XPO4: variants seen among roughly 807,000 people sequenced by gnomAD.
XPO4 encodes exportin 4.
XPO4 carries 39 observed loss-of-function variants against 143.0 expected under a neutral mutation model. That is an observed-to-expected ratio of 0.27 (90% CI 0.21 to 0.36). The LOEUF is 0.36. Among genes scored for constraint, XPO4 ranks in the 10% least tolerant of loss-of-function variants. XPO4 has a pLI of 1.00. For synonymous variants in XPO4, 439 were observed against 474.0 expected (o/e 0.93, Z 0.96); for missense variants, 907 against 1,348.0 (o/e 0.67, Z 5.12).
intron 2 of XPO4, among the ~76,000 whole-genome samples, chr13:20,868,096 G>C (rs2060260155): frequency 6.6e-6 from 1 of 151,230 alleles, no homozygotes; most frequent in South Asian, 2.1e-4. Flanking sequence ...CTTTATTTTA[G>C]GATACATACA....
intron 13 of XPO4, among the ~76,000 whole-genome samples, chr13:20,806,539 C>CTTTTTTT (rs3056347): frequency 4.9e-5 from 3 of 61,596 alleles, no homozygotes; most frequent in African/African-American, 2.0e-4. Flanking sequence ...TTTCAGGACC[C>CTTTTTTT]TTTTTTTTTT....
At position 20,836,301 on chromosome 13, in the gene XPO4, G is replaced by C. The variant is rs553161007; in HGVS notation, c.727+6594C>G. On this transcript the variant is annotated intron_variant, in intron 6 of 22. Transcript: ENST00000255305. Reference sequence around the variant, plus strand: ...TATGTTCTAACTGATATTCGGTGTAGATCAAAAACAATCTACATCTTACCT... The same window carrying C: ...TATGTTCTAACTGATATTCGGTGTACATCAAAAACAATCTACATCTTACCT... Among the ~76,000 whole-genome samples, 8 of 152,242 alleles carry C rather than the reference G, an allele frequency of 5.3e-5. No homozygotes were observed. In the East Asian group the frequency reaches 1.4e-3, roughly 26 times the overall value.
chr13:20,789,327 A>G (rs1278106905), intron 19 of XPO4, among the ~76,000 whole-genome samples: 1 of 151,760 alleles, frequency 6.6e-6, no homozygotes, highest in Non-Finnish European at 1.5e-5. Flanking sequence ...AGATCCTGCT[A>G]TGCTGGCAAT....
At chr13:20,838,609 CAAAAAAA>C (rs36097222) in intron 6 of XPO4, among the ~76,000 whole-genome samples, 2 of 87,722 alleles carry the variant, frequency 2.3e-5, no homozygotes, top group Admixed American at 1.3e-4. Context: ...GACTCCATCT[CAAAAAAA>C]AAAAAAAAAA....
intron 7 of XPO4, among the ~76,000 whole-genome samples, chr13:20,823,339 A>G (rs2059743392): frequency 6.6e-6 from 1 of 152,220 alleles, no homozygotes; most frequent in Non-Finnish European, 1.5e-5. Context: ...GCCACAATGA[A>G]CACTTAATAA....
At chr13:20,862,943 T>C in intron 2 of XPO4, 85 bp from the exon 3 acceptor site, 1 of 1,574,892 alleles carries the variant, frequency 6.3e-7, no homozygotes, top group Non-Finnish European at 8.6e-7. Context: ...AAACAGAACT[T>C]TTCAGACAAG....
At chr13:20,865,230 C>T (rs911417724) in intron 2 of XPO4, among the ~76,000 whole-genome samples, 1 of 152,004 alleles carries the variant, frequency 6.6e-6, no homozygotes, top group African/African-American at 2.4e-5. Flanking sequence ...CCTCTGCCTC[C>T]CGGGTTCAAG....
In XPO4 at chr13:20,788,486, G is replaced by A. The variant is rs754243009; in HGVS notation, c.3047C>T (p.Ser1016Leu). The change falls in exon 20 of 23, where the codon TCA becomes TTA. Residue 1016 changes from serine (S) to leucine (L), a missense_variant and splice_region_variant. Physicochemically the swap from Ser to Leu is moderately radical, Grantham distance 145 (BLOSUM62 -2). Transcript: ENST00000255305. ...ACAGTGATGTTCATTTAAAGGATATGATGTCATTCCTAATTCTAGGGAGTA... is the reference window on the plus strand; with the variant it reads ...ACAGTGATGTTCATTTAAAGGATATAATGTCATTCCTAATTCTAGGGAGTA... ...LMYSLELGMT[S>L]MSSEVCQLCL... is the part of the protein sequence containing the mutation. 6.2e-7 allele frequency: 1 copy of A among 1,610,458 alleles called. No individual in the cohort carries two copies. Among genetic ancestry groups the A allele is most frequent in the East Asian group, 2.2e-5 (1 of 44,660 alleles).
chr13:20,817,004 A>G (rs2059658232), intron 9 of XPO4, among the ~76,000 whole-genome samples: 1 of 152,214 alleles, frequency 6.6e-6, no homozygotes, highest in Admixed American at 6.5e-5. Flanking sequence ...GGGGCGCTGG[A>G]CAGCCAGCTT....
intron 4 of XPO4, 32 bp from the exon 5 acceptor site, chr13:20,843,918 G>A (rs755414848): frequency 1.3e-6 from 2 of 1,506,882 alleles, no homozygotes; most frequent in Non-Finnish European, 1.8e-6. Context: ...TAATTGTGAG[G>A]CATTACTGTT....
chr13:20,873,620 C>G (rs762635052), intron 1 of XPO4, among the ~76,000 whole-genome samples: 1 of 152,110 alleles, frequency 6.6e-6, no homozygotes, highest in Non-Finnish European at 1.5e-5. Context: ...ATTGTCAAAT[C>G]CTACAAATCC....
At chr13:20,786,297 ACG>A (rs1491425831) in intron 22 of XPO4, among the ~76,000 whole-genome samples, 22 of 83,306 alleles carry the variant, frequency 2.6e-4, no homozygotes, top group African/African-American at 8.3e-4. Flanking sequence ...ATATATATAT[ACG>A]TGTGTGTGTA....
intron 1 of XPO4, among the ~76,000 whole-genome samples, chr13:20,880,414 A>G (rs1471211680): frequency 1.3e-5 from 2 of 151,954 alleles, no homozygotes; most frequent in Non-Finnish European, 2.9e-5. Context: ...CCTGGGCGAC[A>G]AGAGCGAGAC....
At chr13:20,856,877 G>A in intron 3 of XPO4, 1 of 985,214 alleles carries the variant, frequency 1.0e-6, no homozygotes, top group Non-Finnish European at 1.2e-6. Flanking sequence ...ATTACTAAGG[G>A]CTCCCACGGC....
chr13:20,838,000 A>G (rs2059935577), intron 6 of XPO4, among the ~76,000 whole-genome samples: 2 of 152,080 alleles, frequency 1.3e-5, no homozygotes, highest in African/African-American at 4.8e-5. Flanking sequence ...GCTAGTCTCA[A>G]ACTCCTGAGC....
In XPO4 at chr13:20,868,311, C is replaced by G. The variant is rs553160889; in HGVS notation, c.175+285G>C. ...ATGACATTTGAAAACTGAAAAAATA[C>G]TAAATTTTTCTCTTTACTATTAACA... On this transcript the variant is annotated intron_variant, in intron 2 of 22. Transcript: ENST00000255305. 1.7e-4 allele frequency: 37 copies of G among 219,386 alleles called. 1 individual carries two copies. The highest frequency in any genetic ancestry group is 7.4e-4 in the African/African-American group (32 of 43,034). 13.6% of individuals were successfully genotyped at this position (219,386 alleles called of 1,614,324 possible).
chr13:20,853,209 G>A (rs548224154), intron 4 of XPO4: 16 of 208,428 alleles, frequency 7.7e-5, no homozygotes, highest in African/African-American at 1.9e-4. Flanking sequence ...GGCTTGTGCC[G>A]ATAGTCCCAG....
intron 18 of XPO4, among the ~76,000 whole-genome samples, chr13:20,792,867 C>A (rs2059305525): frequency 1.3e-5 from 2 of 151,958 alleles, no homozygotes; most frequent in Admixed American, 6.5e-5. Flanking sequence ...CTCACTGCAA[C>A]CTCCTCTCTT....
At chr13:20,833,628 G>A in intron 6 of XPO4, among the ~76,000 whole-genome samples, 1 of 152,078 alleles carries the variant, frequency 6.6e-6, no homozygotes, top group East Asian at 1.9e-4. Context: ...CCACAAACCT[G>A]GAGGGCTAAC....
Sources: allele counts gnomAD v4.1 joint callset (sites outside exome capture counted in the v4.1 genomes callset), GRCh38; gene constraint gnomAD v4.1.1; transcripts MANE v1.5; gene names NCBI Gene and HGNC (gene_info 2026-07-23, HGNC 2026-07-21).